SEMA3C: variants seen among roughly 807,000 people sequenced by gnomAD.
The protein encoded by SEMA3C is semaphorin 3C, also known as semaphorin-3C.
In SEMA3C, 47 loss-of-function variants were observed where a neutral mutation model predicts 89.4. The ratio of observed to expected loss-of-function variants is 0.53; its 90% confidence interval spans 0.42 to 0.67. The LOEUF is 0.67. Among genes scored for constraint, SEMA3C ranks in the 30% least tolerant of loss-of-function variants. The pLI is 0.00. For missense variants in SEMA3C, 839 were observed against 929.1 expected (o/e 0.90, Z 1.26); for synonymous variants, 310 against 320.2 (o/e 0.97, Z 0.34).
intron 4 of SEMA3C, among the ~76,000 whole-genome samples, chr7:80,819,673 C>G (rs2115768050): frequency 6.6e-6 from 1 of 152,300 alleles, no homozygotes; most frequent in Middle Eastern, 3.4e-3. Flanking sequence ...TTCTCACTTG[C>G]TCCCAGTTCA....
intron 12 of SEMA3C, among the ~76,000 whole-genome samples, chr7:80,784,282 A>AGAGAG (rs555235150): frequency 4.0e-5 from 6 of 150,964 alleles, no homozygotes; most frequent in South Asian, 2.1e-4. Flanking sequence ...AAAAAAAAAA[A>AGAGAG]AGAGAGATAA....
chr7:80,819,373 C>T (rs939539866), intron 4 of SEMA3C, among the ~76,000 whole-genome samples: 2 of 152,052 alleles, frequency 1.3e-5, no homozygotes, highest in African/African-American at 4.8e-5. Flanking sequence ...TATTCTTTAC[C>T]TGAGAAAGTT....
intron 12 of SEMA3C, among the ~76,000 whole-genome samples, chr7:80,767,226 C>G (rs543881548): frequency 7.9e-5 from 12 of 152,178 alleles, no homozygotes; most frequent in Non-Finnish European, 1.0e-4. Flanking sequence ...TGCTGCAGAC[C>G]CATACAAATT....
rs537629055 is a variant in SEMA3C at position 80,915,365 on chromosome 7, T to G, written c.103+1314A>C. Among the ~76,000 whole-genome samples the G allele has an allele frequency of 2.2e-4, 34 of 152,148 alleles. 1 individual carries two copies. The highest frequency in any genetic ancestry group is 2.4e-4 in the Non-Finnish European group (16 of 68,022). On this transcript the variant is annotated intron_variant, in intron 2 of 17. Coordinates refer to ENST00000265361, the MANE Select transcript of SEMA3C (RefSeq NM_006379.5). ...AAGCTCACACATTCTAAGTTCCAAATATGGCTCCTTCGGTGCTTATGACAA... is the reference window on the plus strand; with the variant it reads ...AAGCTCACACATTCTAAGTTCCAAAGATGGCTCCTTCGGTGCTTATGACAA...
At chr7:80,921,163 T>C (rs765742150), upstream of SEMA3C, among the ~76,000 whole-genome samples, 2 of 152,208 alleles carry the variant, frequency 1.3e-5, no homozygotes, top group Non-Finnish European at 2.9e-5. Flanking sequence ...TTCAGGGGTT[T>C]GGAGGCCTTG....
At chr7:80,881,949 G>T (rs1057190028) in intron 2 of SEMA3C, among the ~76,000 whole-genome samples, 1 of 152,072 alleles carries the variant, frequency 6.6e-6, no homozygotes, top group African/African-American at 2.4e-5. Flanking sequence ...CTCATGCAAC[G>T]TTGTTGATTT....
chr7:80,751,978 T>A (rs1477473566), intron 15 of SEMA3C, among the ~76,000 whole-genome samples: 1 of 152,202 alleles, frequency 6.6e-6, no homozygotes, highest in Non-Finnish European at 1.5e-5. Flanking sequence ...ATTGTTATAT[T>A]TTGCCACATT....
chr7:80,836,260 T>G (rs1025465851), intron 2 of SEMA3C, among the ~76,000 whole-genome samples: 2 of 152,202 alleles, frequency 1.3e-5, no homozygotes, highest in Non-Finnish European at 1.5e-5. Context: ...CAGCTTCATG[T>G]AGAAGACAGA....
intron 2 of SEMA3C, among the ~76,000 whole-genome samples, chr7:80,911,971 G>A (rs1198538845): frequency 1.3e-5 from 2 of 151,858 alleles, no homozygotes; most frequent in Non-Finnish European, 2.9e-5. Context: ...TCGTATGACC[G>A]ATTAACAAAA....
chr7:80,844,713 T>C (rs901536445), intron 2 of SEMA3C, among the ~76,000 whole-genome samples: 7 of 152,080 alleles, frequency 4.6e-5, no homozygotes, highest in Admixed American at 4.6e-4. Flanking sequence ...CAAGTAAAAA[T>C]GGCCAGTGGG....
At chr7:80,827,337 C>A in intron 4 of SEMA3C, 88 bp downstream of exon 4, 1 of 1,325,826 alleles carries the variant, frequency 7.5e-7, no homozygotes, top group South Asian at 1.7e-5. Context: ...ATCCTTGTCT[C>A]ATTTTTGGCT....
chr7:80,894,160 C>T (rs1052154472), intron 2 of SEMA3C, among the ~76,000 whole-genome samples: 1 of 152,114 alleles, frequency 6.6e-6, no homozygotes, highest in African/African-American at 2.4e-5. Context: ...CCAATTCATC[C>T]ATGAATACTG....
intron 2 of SEMA3C, among the ~76,000 whole-genome samples, chr7:80,835,285 G>T (rs1039066375): frequency 6.6e-6 from 1 of 152,142 alleles, no homozygotes; most frequent in African/African-American, 2.4e-5. Context: ...AAATAACGAA[G>T]ATACCATGTC....
chr7:80,849,734 T>C (rs1790469015), intron 2 of SEMA3C, among the ~76,000 whole-genome samples: 5 of 152,142 alleles, frequency 3.3e-5, no homozygotes. Flanking sequence ...TTTGTGGTCT[T>C]GTGATAGCCA....
chr7:80,762,171 T>A (rs1272487506), intron 13 of SEMA3C, among the ~76,000 whole-genome samples: 1 of 151,012 alleles, frequency 6.6e-6, no homozygotes, highest in East Asian at 1.9e-4. Flanking sequence ...AATGAAAATC[T>A]GAGAAGGAAA....
At chr7:80,857,467 C>T (rs1203371269) in intron 2 of SEMA3C, among the ~76,000 whole-genome samples, 2 of 152,108 alleles carry the variant, frequency 1.3e-5, no homozygotes, top group South Asian at 2.1e-4. Flanking sequence ...GCTAATTCAG[C>T]CAGGACATCT....
chr7:80,770,104 G>T (rs1243161863), intron 12 of SEMA3C, among the ~76,000 whole-genome samples: 1 of 152,126 alleles, frequency 6.6e-6, no homozygotes, highest in African/African-American at 2.4e-5. Flanking sequence ...GATTCAACAA[G>T]AAAGTACTGA....
At chr7:80,780,213 C>A (rs917486192) in intron 12 of SEMA3C, among the ~76,000 whole-genome samples, 3 of 152,166 alleles carry the variant, frequency 2.0e-5, no homozygotes, top group Non-Finnish European at 4.4e-5. Flanking sequence ...AATAAATATT[C>A]ATTGAATTGG....
intron 1 of SEMA3C, among the ~76,000 whole-genome samples, chr7:80,917,166 T>C (rs1240348641): frequency 6.6e-6 from 1 of 152,186 alleles, no homozygotes; most frequent in Non-Finnish European, 1.5e-5. Flanking sequence ...AAGACTTGAA[T>C]AGAATTGAGC....
Sources: gnomAD v4.1 joint callset for allele counts (sites outside exome capture counted in the v4.1 genomes callset) on GRCh38, gnomAD v4.1.1 for gene constraint, MANE v1.5 for transcripts, NCBI Gene and HGNC (gene_info 2026-07-23, HGNC 2026-07-21) for gene names.